The following SH3BP1 variants were observed in gnomAD, a reference collection of about 807,000 sequenced individuals.
SH3BP1 encodes SH3 domain-binding protein 1.
Under a neutral mutation model 69.8 loss-of-function variants are expected in SH3BP1, and 46 were observed. The ratio of observed to expected loss-of-function variants is 0.66; its 90% CI spans 0.52 to 0.84. SH3BP1 has a LOEUF of 0.84. Ranked by LOEUF, SH3BP1 falls within the 40% of genes least tolerant of loss-of-function variation. The pLI, the probability that SH3BP1 is intolerant of heterozygous loss-of-function variation, is 0.00. For missense variants in SH3BP1, 868 were observed against 930.9 expected (o/e 0.93, Z 0.88); for synonymous variants, 403 against 378.0 (o/e 1.07, Z -0.77).
chr22:37,643,124 C>G lies in SH3BP1; in HGVS notation c.423C>G (p.His141Gln). 6.2e-7 allele frequency: 1 copy of G among 1,611,530 alleles called. No individual in the cohort carries two copies. Among genetic ancestry groups the G allele is most frequent in the Non-Finnish European group, 8.5e-7 (1 of 1,179,008 alleles). ...SEEELPAILK[H>Q]KKSLQKLVSD... The stretch of plus-strand genomic sequence containing the variant: ...AGGAGCTGCCAGCCATCCTCAAACA[C>G]AAGAAAAGCCTCCAGAAGCTCGTGT... Residue 141 changes from histidine to glutamine, a missense_variant, in exon 6 of 18, where the codon CAC becomes CAG. His to Gln is a conservative substitution (Grantham distance 24, BLOSUM62 0). This residue lies in a region of SH3BP1 where 387 missense variants were observed against 447.9 expected (regional missense o/e 0.86). Coordinates refer to ENST00000649765, the MANE Select transcript of SH3BP1 (RefSeq NM_018957.6).
In SH3BP1 at chr22:37,641,113, C is replaced by A. The variant is rs1270272915; in HGVS notation, c.60-13C>A. The A allele has an allele frequency of 1.5e-5, 20 of 1,365,090 alleles. No individual in the cohort carries two copies. The highest frequency in any genetic ancestry group is 1.8e-5 in the Non-Finnish European group (18 of 999,414). 84.6% of individuals were successfully genotyped at this position (1,365,090 alleles called of 1,614,324 possible). Reference sequence around the variant, plus strand: ...AGAAGCACTCTCCCCCCCCCCCCCACCACTCCCCGCAGCACCCCGGAGACC... The same window carrying A: ...AGAAGCACTCTCCCCCCCCCCCCCAACACTCCCCGCAGCACCCCGGAGACC... On this transcript the variant is annotated splice_polypyrimidine_tract_variant and intron_variant, in intron 1 of 17. Transcript: ENST00000649765.
intron 16 of SH3BP1, among the ~76,000 whole-genome samples, chr22:37,652,183 G>A (rs1046400191): frequency 3.9e-5 from 6 of 152,038 alleles, no homozygotes; most frequent in Admixed American, 2.0e-4. Context: ...GTTGGTGGGC[G>A]CCTGTAGTCC....
intron 17 of SH3BP1, among the ~76,000 whole-genome samples, chr22:37,654,723 T>C (rs1243122300): frequency 6.6e-6 from 1 of 152,132 alleles, no homozygotes; most frequent in Non-Finnish European, 1.5e-5. Context: ...TGACACTCAG[T>C]GGAGGCAATG....
At chr22:37,645,098 A>C in intron 9 of SH3BP1, 138 bp downstream of exon 9, 1 of 890,884 alleles carries the variant, frequency 1.1e-6, no homozygotes, top group Non-Finnish European at 1.7e-6. Context: ...TGTGATGGAG[A>C]GGCAGCTCTG....
chr22:37,652,669 C>G (rs1162971331), intron 16 of SH3BP1, among the ~76,000 whole-genome samples: 3 of 150,324 alleles, frequency 2.0e-5, no homozygotes, highest in Admixed American at 6.7e-5. Context: ...ACTAAAAATG[C>G]AAAAAATTAG....
At chr22:37,647,604 C>A in intron 13 of SH3BP1, 83 bp downstream of exon 13, 1 of 1,039,598 alleles carries the variant, frequency 9.6e-7, no homozygotes, top group Non-Finnish European at 1.4e-6. Context: ...GGGCTTGAGC[C>A]TGGCCTTGCC....
Position 37,639,782 on chromosome 22 carries a change from C to G in SH3BP1, c.-6C>G, listed in dbSNP as rs768500539. 10 of 1,539,464 alleles carry G rather than the reference C, an allele frequency of 6.5e-6. No individual in the cohort carries two copies. The highest frequency in any genetic ancestry group is 7.9e-6 in the Non-Finnish European group (9 of 1,144,644). On this transcript the variant is annotated 5_prime_UTR_variant, in exon 1 of 18. Transcript: ENST00000649765. ...GTGACCCCGCAGCCCCCAGCTCGCC[C>G]CCAAGATGATGAAGAGGCAGCTGCA...
intron 14 of SH3BP1, chr22:37,649,884 G>A (rs1932845737): frequency 3.5e-6 from 2 of 565,814 alleles, no homozygotes; most frequent in South Asian, 1.9e-5. Flanking sequence ...TTCCTCCCAC[G>A]TGCTGATTGC....
chr22:37,648,512 C>T (rs1019338493), intron 14 of SH3BP1, 77 bp downstream of exon 14: 52 of 1,060,124 alleles, frequency 4.9e-5, no homozygotes, highest in Middle Eastern at 2.5e-4. Flanking sequence ...TATTTTTCCC[C>T]GGGGCCTTGG....
chr22:37,642,372 C>G, intron 3 of SH3BP1, 167 bp from the exon 4 acceptor site: 1 of 636,094 alleles, frequency 1.6e-6, no homozygotes, highest in Non-Finnish European at 2.8e-6. Context: ...CATCCATGCT[C>G]TCAGGGAAAT....
At position 37,650,744 on chromosome 22, in the gene SH3BP1, G is replaced by C. The variant is rs777363354; in HGVS notation, c.1598+19G>C. ...AGGAAAGGTGAGGACTGAGGGGCTT[G>C]AATGGCTCCTGTGGTACTCCCACAA... On this transcript the variant is annotated intron_variant, in intron 16 of 17. Coordinates refer to ENST00000649765, the MANE Select transcript of SH3BP1 (RefSeq NM_018957.6). 5.0e-6 allele frequency: 8 copies of C among 1,586,754 alleles called. No homozygotes were observed. In the South Asian group the frequency reaches 6.8e-5, roughly 14 times the overall value.
rs756514929 is a variant in SH3BP1 at position 37,642,970 on chromosome 22, G to A, written c.360G>A (p.Glu120=). 6.2e-7 allele frequency: 1 copy of A among 1,612,950 alleles called. No homozygotes were observed. The highest frequency in any genetic ancestry group is 8.5e-7 in the Non-Finnish European group (1 of 1,179,978). The part of the protein sequence containing the change: ...RILAEFEMTL[E]RDVLQPLSRL... ...TGGCCGAGTTTGAGATGACCCTGGA[G>A]AGGGACGTCCTGCAGCCACTCAGCA... is the stretch of plus-strand genomic sequence containing the variant. The change falls in exon 5 of 18, where the codon GAG becomes GAA. Residue 120 remains glutamate, a synonymous_variant. Coordinates refer to ENST00000649765, the MANE Select transcript of SH3BP1 (RefSeq NM_018957.6).
chr22:37,643,229 T>A, intron 6 of SH3BP1, 55 bp downstream of exon 6: 6 of 1,482,346 alleles, frequency 4.0e-6, no homozygotes, highest in Non-Finnish European at 5.6e-6. Flanking sequence ...ACAGAGATGG[T>A]CATAGAGCTT....
Position 37,639,671 on chromosome 22 carries a change from G to A in SH3BP1, c.-117G>A, listed in dbSNP as rs1194869911. 8 of 584,530 alleles carry A rather than the reference G, an allele frequency of 1.4e-5. No homozygotes were observed. Among genetic ancestry groups the A allele is most frequent in the South Asian group, 8.4e-5 (3 of 35,928 alleles). 36.2% of individuals were successfully genotyped at this position (584,530 alleles called of 1,614,324 possible). ...AGCCGCGCGGCGGCCCAGGAAGCGA[G>A]AGCGCCGCCCACCCATCCGGGGCAA... On this transcript the variant is annotated 5_prime_UTR_variant, in exon 1 of 18. Transcript: ENST00000649765.
In SH3BP1 at chr22:37,655,759, C is replaced by A. The variant is rs923966330; in HGVS notation, c.*75C>A. 2.8e-6 allele frequency: 4 copies of A among 1,445,700 alleles called. No homozygotes were observed. The highest frequency in any genetic ancestry group is 3.6e-6 in the Non-Finnish European group (4 of 1,103,224). 89.6% of individuals were successfully genotyped at this position (1,445,700 alleles called of 1,614,324 possible). On this transcript the variant is annotated 3_prime_UTR_variant, in exon 18 of 18. Coordinates refer to ENST00000649765, the MANE Select transcript of SH3BP1 (RefSeq NM_018957.6). ...TGGCCCTCCCAGGACAGCTCTCGCC[C>A]CCCACAAAGGGGCATGGGCCTCCAG...
intron 17 of SH3BP1, 25 bp downstream of exon 17, chr22:37,653,898 AG>A: frequency 1.9e-6 from 1 of 524,216 alleles, no homozygotes; most frequent in Non-Finnish European, 3.6e-6. Context: ...GGAGGGGAGG[AG>A]GGGACAGAGG....
intron 1 of SH3BP1, 119 bp from the exon 2 acceptor site, chr22:37,641,007 G>T: frequency 1.4e-6 from 1 of 731,464 alleles, no homozygotes; most frequent in Non-Finnish European, 2.4e-6. Context: ...TCAGCTGGGA[G>T]GGACAGTGGA....
rs1345523467 is a variant in SH3BP1 at position 37,647,271 on chromosome 22, C to T, written c.1041C>T (p.Ala347=). ...CTCCCCACACCCCTCCTTCAGGTGC[C>T]CTCAAGTCCTATCTGCGGGAGCTGC... is the stretch of plus-strand genomic sequence containing the variant. The part of the protein sequence containing the change: ...FCSDPHAVAG[A]LKSYLRELPE... The change falls in exon 12 of 18, where the codon GCC becomes GCT. Residue 347 remains alanine (A), a synonymous_variant. Transcript: ENST00000649765. The T allele has an allele frequency of 4.3e-6, 7 of 1,613,900 alleles. No homozygotes were observed. Among genetic ancestry groups the T allele is most frequent in the Middle Eastern group, 1.6e-4 (1 of 6,070 alleles).
chr22:37,641,364 T>A lies in SH3BP1; in HGVS notation c.103-10T>A. 1 of 1,550,908 alleles carries A rather than the reference T, an allele frequency of 6.4e-7. No individual in the cohort carries two copies. Among genetic ancestry groups the A allele is most frequent in the Admixed American group, 2.0e-5 (1 of 51,002 alleles). The stretch of plus-strand genomic sequence containing the variant: ...TCTCTTGATCCTTAACCTCCATACC[T>A]CCTTCCCAGGTAGAACAGCGGCTGG... On this transcript the variant is annotated splice_polypyrimidine_tract_variant and intron_variant, in intron 2 of 17. Transcript: ENST00000649765.
Sources: gnomAD v4.1 joint callset for allele counts (sites outside exome capture counted in the v4.1 genomes callset) on GRCh38, gnomAD v4.1.1 for gene constraint, gnomAD v4.1.1 regional missense constraint, MANE v1.5 for transcripts, NCBI Gene and HGNC (gene_info 2026-07-23, HGNC 2026-07-21) for gene names.